CAMK2D: variants seen among roughly 807,000 people sequenced by gnomAD.
CAMK2D encodes calcium/calmodulin-dependent protein kinase type II subunit delta.
CAMK2D carries 37 observed loss-of-function variants against 84.0 expected under a neutral mutation model. The ratio of observed to expected loss-of-function variants is 0.44; its 90% confidence interval spans 0.34 to 0.58. The LOEUF is 0.58. Among genes scored for constraint, CAMK2D ranks in the 20% least tolerant of loss-of-function variants. CAMK2D has a pLI of 0.02. For missense variants in CAMK2D, 448 were observed against 652.5 expected, an observed-to-expected ratio of 0.69 and a Z score of 3.41; for synonymous variants, 202 against 212.5, an observed-to-expected ratio of 0.95 and a Z score of 0.43.
intron 2 of CAMK2D, among the ~76,000 whole-genome samples, chr4:113,752,607 G>A (rs2099619893): frequency 6.6e-6 from 1 of 152,130 alleles, no homozygotes; most frequent in African/African-American, 2.4e-5. Context: ...GTTAAGGGCT[G>A]AGTTTTAGTT....
At chr4:113,655,708 C>T (rs2099196855) in intron 3 of CAMK2D, among the ~76,000 whole-genome samples, 2 of 152,162 alleles carry the variant, frequency 1.3e-5, no homozygotes, top group Admixed American at 1.3e-4. Flanking sequence ...TTGATCTTTT[C>T]CCAAATAAAG....
intron 2 of CAMK2D, among the ~76,000 whole-genome samples, chr4:113,743,563 A>C (rs775892075): frequency 2.6e-5 from 4 of 152,064 alleles, no homozygotes; most frequent in African/African-American, 7.2e-5. Context: ...CTCCACCTCA[A>C]AACCTTTCGG....
chr4:113,552,681 A>C (rs2098637441), intron 4 of CAMK2D, among the ~76,000 whole-genome samples: 1 of 152,222 alleles, frequency 6.6e-6, no homozygotes, highest in Non-Finnish European at 1.5e-5. Context: ...AATTTAACGT[A>C]ACATAGCAAT....
intron 2 of CAMK2D, among the ~76,000 whole-genome samples, chr4:113,739,033 G>T (rs762140449): frequency 2.0e-5 from 3 of 151,988 alleles, no homozygotes; most frequent in Admixed American, 6.6e-5. Flanking sequence ...ATTCCTTACT[G>T]TTCATAGCAC....
intron 3 of CAMK2D, among the ~76,000 whole-genome samples, chr4:113,625,749 T>C (rs2099065242): frequency 1.3e-5 from 2 of 152,074 alleles, no homozygotes; most frequent in African/African-American, 4.8e-5. Context: ...CTGAGCTAGA[T>C]GGGAATTCAC....
chr4:113,605,408 C>A (rs1418875491), intron 4 of CAMK2D, among the ~76,000 whole-genome samples: 1 of 152,178 alleles, frequency 6.6e-6, no homozygotes, highest in Admixed American at 6.6e-5. Flanking sequence ...TAATCTCTCT[C>A]TTGTTTAATT....
chr4:113,544,606 A>G (rs965760286), intron 6 of CAMK2D, among the ~76,000 whole-genome samples: 3 of 152,226 alleles, frequency 2.0e-5, no homozygotes, highest in African/African-American at 7.2e-5. Context: ...GAAGATTTGT[A>G]TGATAAGACA....
chr4:113,750,476 G>A (rs2099614570), intron 2 of CAMK2D, among the ~76,000 whole-genome samples: 1 of 152,124 alleles, frequency 6.6e-6, no homozygotes, highest in African/African-American at 2.4e-5. Flanking sequence ...GCTCTCAAAA[G>A]CCCTGTGCAC....
intron 8 of CAMK2D, among the ~76,000 whole-genome samples, chr4:113,517,859 T>C (rs1007958062): frequency 6.6e-6 from 1 of 152,184 alleles, no homozygotes; most frequent in Non-Finnish European, 1.5e-5. Flanking sequence ...TCCAGAACTC[T>C]GACAATGTGT....
At chr4:113,631,387 T>A (rs900605268) in intron 3 of CAMK2D, among the ~76,000 whole-genome samples, 20 of 152,020 alleles carry the variant, frequency 1.3e-4, no homozygotes, top group African/African-American at 4.4e-4. Context: ...GCAAAGAAAA[T>A]GTAGGGAATT....
intron 2 of CAMK2D, among the ~76,000 whole-genome samples, chr4:113,741,326 AAG>A (rs1413449007): frequency 6.6e-6 from 1 of 152,234 alleles, no homozygotes; most frequent in Non-Finnish European, 1.5e-5. Flanking sequence ...AAGAAGGAGA[AAG>A]AAATTCATGC....
At chr4:113,720,613 G>A (rs540964462) in intron 2 of CAMK2D, among the ~76,000 whole-genome samples, 3 of 151,992 alleles carry the variant, frequency 2.0e-5, no homozygotes, top group Non-Finnish European at 4.4e-5. Context: ...CCAGAAATGG[G>A]TTATTGTCTG....
At chr4:113,670,076 C>T (rs1181524246) in intron 2 of CAMK2D, among the ~76,000 whole-genome samples, 1 of 152,060 alleles carries the variant, frequency 6.6e-6, no homozygotes, top group Admixed American at 6.5e-5. Flanking sequence ...GTCAGGAGTT[C>T]GTGACCAGCC....
chr4:113,747,507 T>C (rs1331788818), intron 2 of CAMK2D, among the ~76,000 whole-genome samples: 1 of 152,126 alleles, frequency 6.6e-6, no homozygotes, highest in Non-Finnish European at 1.5e-5. Context: ...ATAATGTCAG[T>C]ACCATTTTTA....
chr4:113,675,896 G>A (rs1379416570), intron 2 of CAMK2D, among the ~76,000 whole-genome samples: 1 of 152,164 alleles, frequency 6.6e-6, no homozygotes, highest in Non-Finnish European at 1.5e-5. Flanking sequence ...TTCTATACCA[G>A]TGATTATGAC....
intron 6 of CAMK2D, among the ~76,000 whole-genome samples, chr4:113,540,630 A>C (rs1446321985): frequency 6.6e-6 from 1 of 152,226 alleles, no homozygotes; most frequent in East Asian, 1.9e-4. Context: ...GTACTAAATT[A>C]TATCTCACAA....
At chr4:113,642,574 G>A (rs1343868258) in intron 3 of CAMK2D, among the ~76,000 whole-genome samples, 1 of 152,190 alleles carries the variant, frequency 6.6e-6, no homozygotes, top group Admixed American at 6.5e-5. Context: ...CTTAGCAGCG[G>A]AGTGAAGCTA....
intron 4 of CAMK2D, among the ~76,000 whole-genome samples, chr4:113,604,511 A>G (rs1156272837): frequency 6.6e-6 from 1 of 152,204 alleles, no homozygotes; most frequent in Admixed American, 6.5e-5. Flanking sequence ...AACTGCTGAT[A>G]ATGCTCCTCT....
intron 2 of CAMK2D, among the ~76,000 whole-genome samples, chr4:113,710,083 C>T (rs567101275): frequency 1.8e-3 from 273 of 151,824 alleles, no homozygotes; most frequent in Middle Eastern, 0.01. Context: ...ACAGATTTTC[C>T]GAGATTCTTA....
Sources: allele counts gnomAD v4.1 joint callset (sites outside exome capture counted in the v4.1 genomes callset), GRCh38; gene constraint gnomAD v4.1.1; transcripts MANE v1.5; gene names NCBI Gene and HGNC (gene_info 2026-07-23, HGNC 2026-07-21).